The following USP53 variants were observed in gnomAD, a reference collection of about 807,000 sequenced individuals.
USP53 encodes the protein ubiquitin carboxyl-terminal hydrolase 53.
Under a neutral mutation model 94.9 loss-of-function variants are expected in USP53, and 71 were observed. The observed-to-expected ratio is 0.75, with a 90% CI of 0.62 to 0.91. The LOEUF is 0.91. Among genes scored for constraint, USP53 ranks in the 40% least tolerant of loss-of-function variants. The probability of loss-of-function intolerance (pLI) is 0.00; values close to 1 mark genes in which losing one functional copy is unlikely to be tolerated. For synonymous variants in USP53, 375 were observed against 422.7 expected (o/e 0.89, Z 1.39); for missense variants, 1,173 against 1,281.0 (o/e 0.92, Z 1.29).
intron 17 of USP53, among the ~76,000 whole-genome samples, chr4:119,276,379 CT>C (rs1273380276): frequency 6.7e-6 from 1 of 150,188 alleles, no homozygotes; most frequent in Non-Finnish European, 1.5e-5. Flanking sequence ...GTCTTTGGCT[CT>C]GTTTATATGC....
intron 17 of USP53, among the ~76,000 whole-genome samples, chr4:119,286,103 T>C (rs1172741653): frequency 1.3e-5 from 2 of 151,974 alleles, no homozygotes; most frequent in South Asian, 2.1e-4. Flanking sequence ...AATTTATCCA[T>C]AAATATTTAT....
At chr4:119,280,097 G>C (rs13133044) in intron 17 of USP53, among the ~76,000 whole-genome samples, 44,904 of 151,986 alleles carry the variant, frequency 0.3, 6,757 homozygotes, top group East Asian at 0.39. Flanking sequence ...GACTGGAGCT[G>C]TTCCTATTCG....
chr4:119,276,458 C>G (rs1310799319), intron 17 of USP53, among the ~76,000 whole-genome samples: 1 of 151,616 alleles, frequency 6.6e-6, no homozygotes, highest in Admixed American at 6.6e-5. Context: ...CCCACTTGAT[C>G]ATGGTGGATA....
Position 119,271,908 on chromosome 4 carries a change from G to A in USP53, c.2048G>A (p.Arg683Lys). ...KVHGDNWQMQ[R>K]TESGYESSDH... ...CATGGTGATAATTGGCAGATGCAAA[G>A]GACTGAGTCTGGATATGAAAGCAGT... Residue 683 changes from arginine (R) to lysine (K), a missense_variant, in exon 16 of 19, where the codon AGG becomes AAG. Arg to Lys is a conservative substitution (Grantham distance 26). Coordinates refer to ENST00000692078, the MANE Select transcript of USP53 (RefSeq NM_001371395.1). 6.2e-7 allele frequency: 1 copy of A among 1,614,160 alleles called. No individual in the cohort carries two copies. Among genetic ancestry groups the A allele is most frequent in the Non-Finnish European group, 8.5e-7 (1 of 1,180,024 alleles).
intron 3 of USP53, 79 bp downstream of exon 3, chr4:119,217,752 T>C (rs1389949546): frequency 6.6e-6 from 1 of 152,192 alleles, no homozygotes; most frequent in Non-Finnish European, 1.5e-5. Context: ...TTTAAGTGAC[T>C]TTTTTGGCAA....
chr4:119,247,904 T>C (rs947267913), intron 6 of USP53, among the ~76,000 whole-genome samples: 1 of 152,190 alleles, frequency 6.6e-6, no homozygotes, highest in Non-Finnish European at 1.5e-5. Flanking sequence ...TCTTATTTTA[T>C]TTATAAATTG....
At chr4:119,265,020 A>G (rs1341699303) in intron 12 of USP53, among the ~76,000 whole-genome samples, 3 of 152,224 alleles carry the variant, frequency 2.0e-5, no homozygotes, top group African/African-American at 7.2e-5. Flanking sequence ...TCTCAGAAGC[A>G]TTATGCTAAG....
intron 4 of USP53, among the ~76,000 whole-genome samples, chr4:119,238,647 C>CAGT (rs1379165039): frequency 6.6e-6 from 1 of 152,088 alleles, no homozygotes; most frequent in Non-Finnish European, 1.5e-5. Flanking sequence ...GTTAAAAAGG[C>CAGT]AGTATATCTG....
intron 17 of USP53, among the ~76,000 whole-genome samples, chr4:119,274,534 G>T (rs1390273754): frequency 6.6e-6 from 1 of 151,920 alleles, no homozygotes; most frequent in Non-Finnish European, 1.5e-5. Context: ...CTTTGCTATT[G>T]TGAATAATGC....
At chr4:119,238,969 T>G (rs74516697) in intron 4 of USP53, among the ~76,000 whole-genome samples, 2,248 of 152,290 alleles carry the variant, frequency 0.015, 43 homozygotes, top group African/African-American at 0.051. Context: ...TCTAGATTTT[T>G]GGATAATATT....
chr4:119,246,870 T>C (rs1228693948), intron 6 of USP53, among the ~76,000 whole-genome samples: 1 of 152,250 alleles, frequency 6.6e-6, no homozygotes. Context: ...GATTTTGTTA[T>C]ACATTTTAGA....
intron 12 of USP53, among the ~76,000 whole-genome samples, chr4:119,262,085 T>A (rs1310863009): frequency 6.6e-6 from 1 of 152,216 alleles, no homozygotes; most frequent in Non-Finnish European, 1.5e-5. Context: ...TCCAGAATAA[T>A]AATAAGTAAA....
intron 3 of USP53, among the ~76,000 whole-genome samples, chr4:119,224,793 A>G (rs1296665185): frequency 2.0e-5 from 3 of 152,226 alleles, no homozygotes; most frequent in African/African-American, 7.2e-5. Context: ...TGAAAACAGT[A>G]TAGCAGACTG....
At chr4:119,279,872 G>A (rs1753271390) in intron 17 of USP53, among the ~76,000 whole-genome samples, 4 of 152,274 alleles carry the variant, frequency 2.6e-5, no homozygotes, top group Middle Eastern at 3.4e-3. Flanking sequence ...TTCCAGGTGC[G>A]TCCGTCACCC....
Position 119,292,548 on chromosome 4 carries a change from A to C in USP53, c.2559A>C (p.Arg853Ser). The change falls in exon 19 of 19, where the codon AGA becomes AGC. Residue 853 changes from arginine (R) to serine (S), a missense_variant. Coordinates refer to ENST00000692078, the MANE Select transcript of USP53 (RefSeq NM_001371395.1). ...FHVDNSASGK[R>S]VNSNEPSSLW... is the part of the protein sequence containing the mutation. Reference sequence around the variant, plus strand: ...TTGATAACTCTGCTTCTGGGAAGAGAGTGAACAGTAATGAACCATCTTCAT... The same window carrying C: ...TTGATAACTCTGCTTCTGGGAAGAGCGTGAACAGTAATGAACCATCTTCAT... 2 of 1,614,078 alleles carry C rather than the reference A, an allele frequency of 1.2e-6. No individual in the cohort carries two copies. Among genetic ancestry groups the C allele is most frequent in the Non-Finnish European group, 1.7e-6 (2 of 1,179,936 alleles).
intron 15 of USP53, 38 bp downstream of exon 15, chr4:119,269,875 C>A: frequency 7.7e-7 from 1 of 1,292,552 alleles, no homozygotes. Flanking sequence ...TTAAAAGGAA[C>A]TTCTAAAAAT....
rs1479334801 is a variant in USP53, at chr4:119,295,457, T to C, written c.*2246T>C. On this transcript the variant is annotated 3_prime_UTR_variant, in exon 19 of 19. Coordinates refer to ENST00000692078, the MANE Select transcript of USP53 (RefSeq NM_001371395.1). ...TACTTACCTTCAGAATGTTATATTT[T>C]CATGTGAAATCAATTTCTTCTAATT... is the stretch of plus-strand genomic sequence containing the variant. The C allele has an allele frequency of 6.6e-6, 1 of 152,208 alleles. No homozygotes were observed. Among genetic ancestry groups the C allele is most frequent in the Admixed American group, 6.5e-5 (1 of 15,272 alleles). The allele number at this position is 152,208 out of a possible 1,614,324, so 9.4% of individuals were successfully genotyped here.
At chr4:119,249,392 A>G (rs1748664783) in intron 7 of USP53, among the ~76,000 whole-genome samples, 1 of 152,222 alleles carries the variant, frequency 6.6e-6, no homozygotes, top group African/African-American at 2.4e-5. Flanking sequence ...TAAGTAGAGC[A>G]TTCCTTTGAT....
In USP53 at chr4:119,292,423, C is replaced by T. The variant is rs368781161; in HGVS notation, c.2434C>T (p.His812Tyr). ...PKDHNAREHI[H>Y]QSDEQKLEKP... ...GGACCATAATGCAAGAGAACATATC[C>T]ACCAGTCAGATGAACAGAAACTTGA... Residue 812 changes from histidine to tyrosine, a missense_variant, in exon 19 of 19, where the codon CAC becomes TAC. Physicochemically the swap from His to Tyr is moderately conservative, Grantham distance 83. Transcript: ENST00000692078. The T allele has an allele frequency of 1.2e-6, 2 of 1,613,814 alleles. No individual in the cohort carries two copies. The highest frequency in any genetic ancestry group is 2.7e-5 in the African/African-American group (2 of 74,900).
Sources: gnomAD v4.1 joint callset for allele counts (sites outside exome capture counted in the v4.1 genomes callset) on GRCh38, gnomAD v4.1.1 for gene constraint, MANE v1.5 for transcripts, NCBI Gene and HGNC (gene_info 2026-07-23, HGNC 2026-07-21) for gene names.